Variants in NEBL observed in about 807,000 individuals in gnomAD.
NEBL encodes nebulette, also known as LIM and SH3 protein 2.
A neutral mutation model predicts 140.2 loss-of-function variants in NEBL; 122 were observed. The observed-to-expected ratio is 0.87, with a 90% CI of 0.75 to 1.01. NEBL has a LOEUF of 1.01. Ranked by LOEUF, NEBL falls within the 50% of genes least tolerant of loss-of-function variation. The pLI is 0.00. For synonymous variants in NEBL, 436 were observed against 398.9 expected, an observed-to-expected ratio of 1.09 and a Z score of -1.11; for missense variants, 1,365 against 1,231.3, an observed-to-expected ratio of 1.11 and a Z score of -1.62.
At chr10:20,787,843 C>T (rs748916004) in intron 26 of NEBL, among the ~76,000 whole-genome samples, 7 of 152,096 alleles carry the variant, frequency 4.6e-5, no homozygotes, top group Non-Finnish European at 1.0e-4. Flanking sequence ...AGTCCATACC[C>T]TTTAAAGAAA....
chr10:20,910,833 T>TG (rs200895451), intron 4 of NEBL, among the ~76,000 whole-genome samples: 42 of 151,618 alleles, frequency 2.8e-4, no homozygotes, highest in East Asian at 7.8e-4. Context: ...TTTTTGTTTT[T>TG]TTTTTTTTGG....
At chr10:21,122,462 T>G (rs1175984990) in intron 2 of NEBL, among the ~76,000 whole-genome samples, 1 of 152,216 alleles carries the variant, frequency 6.6e-6, no homozygotes, top group East Asian at 1.9e-4. Flanking sequence ...CCATACTTGC[T>G]TTGCATATTT....
intron 22 of NEBL, 88 bp from the exon 23 acceptor site, chr10:20,814,131 A>G: frequency 1.2e-6 from 1 of 820,434 alleles, no homozygotes; most frequent in South Asian, 1.4e-5. Flanking sequence ...AAACATATGC[A>G]ACATACTTGA....
intron 3 of NEBL, among the ~76,000 whole-genome samples, chr10:20,970,684 G>A (rs548704518): frequency 1.3e-5 from 2 of 151,954 alleles, no homozygotes; most frequent in South Asian, 4.2e-4. Context: ...AATAAATAAA[G>A]GCAACAATAA....
At chr10:20,980,821 T>C (rs1837009167) in intron 3 of NEBL, among the ~76,000 whole-genome samples, 1 of 152,236 alleles carries the variant, frequency 6.6e-6, no homozygotes, top group Non-Finnish European at 1.5e-5. Flanking sequence ...TTTTGAATCA[T>C]CTTATAAACA....
intron 14 of NEBL, among the ~76,000 whole-genome samples, chr10:20,834,610 T>C (rs1489603177): frequency 6.6e-6 from 1 of 152,198 alleles, no homozygotes; most frequent in Admixed American, 6.5e-5. Flanking sequence ...GAGTCAGCTC[T>C]TCCTAAGTGC....
intron 2 of NEBL, among the ~76,000 whole-genome samples, chr10:21,117,250 AAAAC>A (rs1838328560): frequency 6.6e-6 from 1 of 151,798 alleles, no homozygotes; most frequent in South Asian, 2.1e-4. Context: ...GGGAAAAAAA[AAAAC>A]AAACTATTGA....
chr10:21,288,850 A>ATATATATATATATATAT (rs1554836851), intron 1 of NEBL, among the ~76,000 whole-genome samples: 105 of 73,246 alleles, frequency 1.4e-3, no homozygotes, highest in East Asian at 3.2e-3. Flanking sequence ...ATATATATAT[A>ATATATATATATATATAT]AAAATTTTTT....
intron 2 of NEBL, among the ~76,000 whole-genome samples, chr10:21,028,200 C>G (rs1833593523): frequency 2.0e-5 from 2 of 102,292 alleles, no homozygotes; most frequent in South Asian, 7.5e-4. Context: ...GCACTCCAGC[C>G]TGGCCAACAG....
At chr10:21,036,780 G>A (rs1485420366) in intron 2 of NEBL, among the ~76,000 whole-genome samples, 2 of 152,068 alleles carry the variant, frequency 1.3e-5, no homozygotes, top group African/African-American at 4.8e-5. Context: ...CCATCCGCCT[G>A]AGCATGGACA....
At chr10:20,817,876 T>C (rs1838893525) in intron 20 of NEBL, among the ~76,000 whole-genome samples, 184 bp from the exon 21 acceptor site, 2 of 152,222 alleles carry the variant, frequency 1.3e-5, no homozygotes, top group Admixed American at 6.5e-5. Context: ...GCACAAGTTG[T>C]TGCTGGTACT....
In NEBL at chr10:20,850,507, A is replaced by G; in HGVS notation, c.1009-5T>C. 1 of 1,563,130 alleles carries G rather than the reference A, an allele frequency of 6.4e-7. No individual in the cohort carries two copies. Among genetic ancestry groups the G allele is most frequent in the South Asian group, 1.1e-5 (1 of 90,046 alleles). On this transcript the variant is annotated splice_polypyrimidine_tract_variant and splice_region_variant and intron_variant, in intron 10 of 27. Coordinates refer to ENST00000377122, the MANE Select transcript of NEBL (RefSeq NM_006393.3). ...ATATTCTTCTTTATATTTCACCTTC[A>G]TTGGAAAAAGAAAAGCATATACAAA...
intron 4 of NEBL, among the ~76,000 whole-genome samples, chr10:20,924,370 C>T (rs929018873): frequency 8.4e-6 from 1 of 118,922 alleles, no homozygotes; most frequent in African/African-American, 3.3e-5. Flanking sequence ...ACCGATTTGA[C>T]AGATGTGTAT....
At chr10:21,186,900 G>T (rs1465759538) in intron 3 of NEBL, among the ~76,000 whole-genome samples, 1 of 151,590 alleles carries the variant, frequency 6.6e-6, no homozygotes, top group Non-Finnish European at 1.5e-5. Context: ...ATGTTCAGTA[G>T]GAATGTGCTT....
chr10:20,853,291 T>C (rs531761546), intron 9 of NEBL, among the ~76,000 whole-genome samples: 19 of 152,280 alleles, frequency 1.2e-4, no homozygotes, highest in African/African-American at 4.6e-4. Context: ...TTTGGACATA[T>C]AGACAAAAAG....
chr10:21,189,430 A>G (rs1179759878), intron 3 of NEBL, among the ~76,000 whole-genome samples: 5 of 152,098 alleles, frequency 3.3e-5, no homozygotes, highest in Admixed American at 1.3e-4. Flanking sequence ...AGAACCATGG[A>G]AGACCAGCTT....
At chr10:21,000,033 A>G (rs1359862297) in intron 3 of NEBL, among the ~76,000 whole-genome samples, 1 of 151,890 alleles carries the variant, frequency 6.6e-6, no homozygotes, top group African/African-American at 2.4e-5. Context: ...GGAAGGTTTT[A>G]AAAAATTAAG....
intron 5 of NEBL, among the ~76,000 whole-genome samples, chr10:20,878,489 AG>A (rs1845719462): frequency 6.6e-6 from 1 of 152,214 alleles, no homozygotes; most frequent in African/African-American, 2.4e-5. Flanking sequence ...TACAGGAGAC[AG>A]GTTTATGGGA....
chr10:21,012,213 T>C (rs953580436), intron 3 of NEBL, among the ~76,000 whole-genome samples: 5 of 151,992 alleles, frequency 3.3e-5, no homozygotes, highest in Admixed American at 6.6e-5. Flanking sequence ...CCCCTTCAAG[T>C]GGGACCATCT....
Sources: gnomAD v4.1 joint callset for allele counts (sites outside exome capture counted in the v4.1 genomes callset) on GRCh38, gnomAD v4.1.1 for gene constraint, MANE v1.5 for transcripts, NCBI Gene and HGNC (gene_info 2026-07-23, HGNC 2026-07-21) for gene names.